CDC42BPA: variants seen among roughly 807,000 people sequenced by gnomAD.
CDC42BPA encodes CDC42 binding protein kinase alpha.
Under a neutral mutation model 223.5 loss-of-function variants are expected in CDC42BPA, and 80 were observed. That is an observed-to-expected ratio of 0.36 (90% CI 0.30 to 0.43). CDC42BPA has a LOEUF of 0.43. Among genes scored for constraint, CDC42BPA ranks in the 20% least tolerant of loss-of-function variants. The pLI is 1.00. For missense variants in CDC42BPA, 1,743 were observed against 2,099.9 expected, an observed-to-expected ratio of 0.83 and a Z score of 3.32; for synonymous variants, 694 against 718.6, an observed-to-expected ratio of 0.97 and a Z score of 0.55.
intron 6 of CDC42BPA, among the ~76,000 whole-genome samples, chr1:227,158,961 C>T (rs1663335000): frequency 1.3e-5 from 2 of 152,086 alleles, no homozygotes; most frequent in Non-Finnish European, 2.9e-5. Context: ...TCAGGAACTG[C>T]CCCAGTCTTT....
chr1:227,113,862 T>G (rs1687337625), intron 12 of CDC42BPA, among the ~76,000 whole-genome samples: 1 of 128,240 alleles, frequency 7.8e-6, no homozygotes, highest in East Asian at 2.3e-4. Flanking sequence ...AAAATAACAA[T>G]GTAAAAAAAA....
intron 24 of CDC42BPA, among the ~76,000 whole-genome samples, chr1:227,036,459 C>T (rs922305310): frequency 2.2e-5 from 3 of 136,634 alleles, no homozygotes; most frequent in Admixed American, 8.0e-5. Context: ...GACGGAGTCT[C>T]GCTCTGTCGC....
chr1:227,046,511 T>C (rs1002110678), intron 23 of CDC42BPA, among the ~76,000 whole-genome samples: 2 of 152,174 alleles, frequency 1.3e-5, no homozygotes, highest in Non-Finnish European at 2.9e-5. Flanking sequence ...GTGAGCCTGG[T>C]TGGTGCCCTT....
At chr1:227,113,691 TAGA>T (rs1311529137) in intron 12 of CDC42BPA, among the ~76,000 whole-genome samples, 2 of 152,002 alleles carry the variant, frequency 1.3e-5, no homozygotes, top group Admixed American at 6.6e-5. Context: ...AGCAGATTTA[TAGA>T]AGAACTGTAT....
At position 227,112,681 on chromosome 1, in the gene CDC42BPA, G is replaced by T. The variant is rs754619237; in HGVS notation, c.1880C>A (p.Ala627Asp). The T allele has an allele frequency of 3.7e-6, 6 of 1,610,608 alleles. No individual in the cohort carries two copies. The highest frequency in any genetic ancestry group is 1.7e-5 in the Admixed American group (1 of 59,268). Residue 627 changes from alanine to aspartate, a missense_variant, in exon 13 of 37, where the codon GCC (alanine) becomes GAC (aspartate). Physicochemically the swap from Ala to Asp is moderately radical, Grantham distance 126 (BLOSUM62 -2). This residue lies in a region of CDC42BPA where 464 missense variants were observed against 488.0 expected (regional missense o/e 0.95). Transcript: ENST00000366766. ...LRQELRRTER[A>D]KKELEVHTEA... The stretch of plus-strand genomic sequence containing the variant: ...TGCCTGACTACTAACCTCTTTTTTG[G>T]CTCTTTCTGTTCTGCGCAGTTCTTG...
At chr1:227,076,546 C>T (rs773771060) in intron 17 of CDC42BPA, among the ~76,000 whole-genome samples, 24 of 152,266 alleles carry the variant, frequency 1.6e-4, no homozygotes, top group South Asian at 1.0e-3. Context: ...CGTGAGCCAC[C>T]GCACCTGGCC....
chr1:227,071,815 C>G (rs1678434178), intron 20 of CDC42BPA, among the ~76,000 whole-genome samples: 1 of 145,492 alleles, frequency 6.9e-6, no homozygotes, highest in Non-Finnish European at 1.5e-5. Context: ...ACACACATTG[C>G]CACTGTCAGA....
chr1:227,127,860 A>G (rs1267533351), intron 11 of CDC42BPA, among the ~76,000 whole-genome samples: 1 of 152,190 alleles, frequency 6.6e-6, no homozygotes, highest in Non-Finnish European at 1.5e-5. Context: ...AAAAGATGCT[A>G]CATTAGATTA....
chr1:227,163,738 A>T (rs1316763128), intron 5 of CDC42BPA, among the ~76,000 whole-genome samples: 16 of 141,850 alleles, frequency 1.1e-4, no homozygotes, highest in South Asian at 4.4e-4. Context: ...TTGTAAAAAA[A>T]AAAAATATAT....
At chr1:227,224,711 T>G in intron 2 of CDC42BPA, among the ~76,000 whole-genome samples, 1 of 152,222 alleles carries the variant, frequency 6.6e-6, no homozygotes, top group East Asian at 1.9e-4. Context: ...TAGCCACAGG[T>G]AACATTATTG....
chr1:227,070,342 A>AT (rs141719167), intron 20 of CDC42BPA, among the ~76,000 whole-genome samples: 10,495 of 151,802 alleles, frequency 0.069, 557 homozygotes, highest in East Asian at 0.25. Context: ...GATTTCAGGT[A>AT]TTTTTTTATT....
chr1:227,061,239 C>G (rs1210239204), intron 21 of CDC42BPA, among the ~76,000 whole-genome samples: 1 of 152,114 alleles, frequency 6.6e-6, no homozygotes, highest in Admixed American at 6.5e-5. Context: ...ACCAAACAAC[C>G]AAACAATAAA....
intron 27 of CDC42BPA, among the ~76,000 whole-genome samples, chr1:227,033,027 G>A (rs894939116): frequency 2.6e-5 from 4 of 152,112 alleles, no homozygotes; most frequent in African/African-American, 9.7e-5. Flanking sequence ...TTAAAAACTT[G>A]AGAAACCTCA....
At chr1:227,064,879 C>T (rs1239918741) in intron 21 of CDC42BPA, among the ~76,000 whole-genome samples, 2 of 152,028 alleles carry the variant, frequency 1.3e-5, no homozygotes, top group African/African-American at 2.4e-5. Context: ...GGGCAGATCA[C>T]GAAGTCAGGA....
intron 21 of CDC42BPA, 64 bp downstream of exon 21, chr1:227,069,713 A>T (rs1430597872): frequency 1.8e-5 from 21 of 1,179,490 alleles, no homozygotes; most frequent in Non-Finnish European, 2.6e-5. Flanking sequence ...TTATAAGTGA[A>T]CTTTAAATTA....
At chr1:227,039,877 T>TA (rs2148752551) in intron 24 of CDC42BPA, among the ~76,000 whole-genome samples, 1 of 125,862 alleles carries the variant, frequency 7.9e-6, no homozygotes, top group Non-Finnish European at 1.7e-5. Flanking sequence ...TCTGTCAGGT[T>TA]AATGTTTTTT....
At chr1:227,150,688 T>C (rs966807048) in intron 6 of CDC42BPA, among the ~76,000 whole-genome samples, 6 of 151,934 alleles carry the variant, frequency 3.9e-5, no homozygotes, top group African/African-American at 1.2e-4. Flanking sequence ...TGGTGGTTAA[T>C]TGGATAACAT....
rs73090677 is a variant in CDC42BPA at position 227,186,266 on chromosome 1, T to C, written c.599+7520A>G. 4.6e-3 allele frequency among the ~76,000 whole-genome samples: 708 copies of C among 152,290 alleles called. 8 individuals carry two copies. The highest frequency in any genetic ancestry group is 0.016 in the African/African-American group (668 of 41,568). On this transcript the variant is annotated intron_variant, in intron 5 of 36. Transcript: ENST00000366766. ...CCTCATAGTGAATACCAGAGAAACA[T>C]ACCCTCATGCTTCCAACAGAGGGAG...
chr1:227,259,708 G>A (rs1345057912), intron 1 of CDC42BPA, among the ~76,000 whole-genome samples: 1 of 150,846 alleles, frequency 6.6e-6, no homozygotes, highest in East Asian at 1.9e-4. Context: ...TGACTAGTAA[G>A]TCACAGTACT....
Sources: allele counts gnomAD v4.1 joint callset (sites outside exome capture counted in the v4.1 genomes callset), GRCh38; gene constraint gnomAD v4.1.1; regional missense constraint gnomAD v4.1.1; transcripts MANE v1.5; gene names NCBI Gene and HGNC (gene_info 2026-07-23, HGNC 2026-07-21).